The following BEND5 variants were observed in gnomAD, a reference collection of about 807,000 sequenced individuals.
BEND5 encodes the protein BEN domain-containing protein 5.
A neutral mutation model predicts 43.9 loss-of-function variants in BEND5; 22 were observed. That is an observed-to-expected ratio of 0.50 (90% CI 0.36 to 0.72). The LOEUF (loss-of-function observed/expected upper bound fraction) is 0.72, where lower values mean the gene tolerates loss of function less well. Ranked by LOEUF, BEND5 falls within the 30% of genes least tolerant of loss-of-function variation. The probability of loss-of-function intolerance (pLI) is 0.00; values close to 1 mark genes in which losing one functional copy is unlikely to be tolerated. For missense variants in BEND5, 428 were observed against 550.6 expected, an observed-to-expected ratio of 0.78 and a Z score of 2.23; for synonymous variants, 228 against 225.9, an observed-to-expected ratio of 1.01 and a Z score of -0.08.
chr1:48,761,242 T>C, intron 2 of BEND5, 95 bp downstream of exon 2: 1 of 1,299,638 alleles, frequency 7.7e-7, no homozygotes, highest in Non-Finnish European at 1.0e-6. Flanking sequence ...CAGGGGACAT[T>C]TACATGGGGA....
At chr1:48,735,629 CTT>C (rs752376613) in intron 5 of BEND5, among the ~76,000 whole-genome samples, 1 of 152,226 alleles carries the variant, frequency 6.6e-6, no homozygotes, top group Admixed American at 6.5e-5. Context: ...CTCCCTGTCT[CTT>C]TGCCTGCCCT....
At position 48,761,499 on chromosome 1, in the gene BEND5, C is replaced by G. The variant is rs1161177063; in HGVS notation, c.227-29G>C. The G allele has an allele frequency of 1.9e-6, 3 of 1,543,120 alleles. No individual in the cohort carries two copies. In the South Asian group the frequency reaches 3.6e-5, roughly 19 times the overall value. Reference sequence around the variant, plus strand: ...AAATGCATATCAAGAGAACAAGGTTCATCATGAGTTAAAATGAGTCATTAT... The same window carrying G: ...AAATGCATATCAAGAGAACAAGGTTGATCATGAGTTAAAATGAGTCATTAT... On this transcript the variant is annotated intron_variant, in intron 1 of 5. Coordinates refer to ENST00000371833, the MANE Select transcript of BEND5 (RefSeq NM_024603.4).
chr1:48,727,896 T>C lies in BEND5; in HGVS notation c.1256A>G (p.Asn419Ser). ...TGAAAAATCCAAAGTTTATTGCAAA[T>C]TGTATTTTGCTTCCCTTCGTTCTTC... ...KNEERREAKY[N>S]LQ The change falls in exon 6 of 6, where the codon AAT becomes AGT. Residue 419 changes from asparagine (N) to serine (S), a missense_variant. Physicochemically the swap from Asn to Ser is conservative, Grantham distance 46. Coordinates refer to ENST00000371833, the MANE Select transcript of BEND5 (RefSeq NM_024603.4). 1.9e-6 allele frequency: 3 copies of C among 1,602,364 alleles called. No homozygotes were observed. Among genetic ancestry groups the C allele is most frequent in the Non-Finnish European group, 1.7e-6 (2 of 1,172,790 alleles).
intron 5 of BEND5, among the ~76,000 whole-genome samples, chr1:48,734,704 T>C (rs917558882): frequency 1.3e-5 from 2 of 152,216 alleles, no homozygotes; most frequent in South Asian, 4.1e-4. Flanking sequence ...CACATCCAGA[T>C]TGCAGCTCAA....
intron 3 of BEND5, among the ~76,000 whole-genome samples, chr1:48,750,412 G>A (rs191493103): frequency 3.8e-4 from 58 of 152,236 alleles, no homozygotes; most frequent in Admixed American, 2.7e-3. Context: ...CCTTTGTTTA[G>A]GCTCTCCTGT....
chr1:48,768,260 G>A (rs866081068), intron 1 of BEND5, among the ~76,000 whole-genome samples: 5 of 152,226 alleles, frequency 3.3e-5, no homozygotes, highest in Middle Eastern at 3.4e-3. Flanking sequence ...ATACTGTGAT[G>A]AATTCCCAAG....
chr1:48,766,988 A>G (rs968911180), intron 1 of BEND5, among the ~76,000 whole-genome samples: 9 of 152,212 alleles, frequency 5.9e-5, no homozygotes, highest in African/African-American at 2.2e-4. Flanking sequence ...TATAGTGCAA[A>G]TATCTGCTCT....
At chr1:48,735,048 C>T (rs1029236039) in intron 5 of BEND5, among the ~76,000 whole-genome samples, 6 of 152,072 alleles carry the variant, frequency 3.9e-5, no homozygotes, top group African/African-American at 7.2e-5. Flanking sequence ...TTTCCTTGTC[C>T]GTAAAATAGG....
intron 3 of BEND5, among the ~76,000 whole-genome samples, chr1:48,754,556 G>T (rs974833319): frequency 6.6e-6 from 1 of 152,074 alleles, no homozygotes; most frequent in African/African-American, 2.4e-5. Flanking sequence ...TACTTATTTG[G>T]GGGAGGAGGG....
At chr1:48,740,471 G>A (rs1305834872) in intron 4 of BEND5, among the ~76,000 whole-genome samples, 1 of 152,118 alleles carries the variant, frequency 6.6e-6, no homozygotes, top group African/African-American at 2.4e-5. Flanking sequence ...ATGAGTTTTT[G>A]AAATAAAACA....
intron 3 of BEND5, among the ~76,000 whole-genome samples, chr1:48,756,488 T>C (rs1348445992): frequency 6.6e-6 from 1 of 152,018 alleles, no homozygotes; most frequent in African/African-American, 2.4e-5. Context: ...CTAGGCTAGG[T>C]CCCTGGCATG....
intron 1 of BEND5, 71 bp downstream of exon 1, chr1:48,776,513 CTCCCCCCGGTCCCCTCCGCCCG>C (rs1395876114): frequency 1.1e-6 from 1 of 936,936 alleles, no homozygotes; most frequent in Non-Finnish European, 1.5e-6. Context: ...CAAGCAGTGG[CTCCCCCCGGTCCCCTCCGCCCG>C]GGCCCCCGGC....
chr1:48,769,570 C>CA (rs1553229980), intron 1 of BEND5, among the ~76,000 whole-genome samples: 6,173 of 142,158 alleles, frequency 0.043, 194 homozygotes, highest in East Asian at 0.12. Flanking sequence ...CACACACACA[C>CA]AAGTTAAATT....
At chr1:48,735,919 C>T (rs1648966815) in intron 5 of BEND5, among the ~76,000 whole-genome samples, 1 of 152,120 alleles carries the variant, frequency 6.6e-6, no homozygotes, top group South Asian at 2.1e-4. Flanking sequence ...GTTCAGTGAC[C>T]CCCGTCCCCA....
intron 3 of BEND5, among the ~76,000 whole-genome samples, chr1:48,758,526 A>C (rs989449348): frequency 6.6e-6 from 1 of 152,174 alleles, no homozygotes; most frequent in African/African-American, 2.4e-5. Context: ...AAACTAATAC[A>C]TGTTGTTAGG....
At chr1:48,771,924 T>C (rs1057478020) in intron 1 of BEND5, among the ~76,000 whole-genome samples, 3 of 152,230 alleles carry the variant, frequency 2.0e-5, no homozygotes, top group Non-Finnish European at 4.4e-5. Context: ...GTTGACTTCT[T>C]CCAGATGAAC....
chr1:48,733,444 AAAG>A (rs1455149775), intron 5 of BEND5, among the ~76,000 whole-genome samples: 1 of 152,204 alleles, frequency 6.6e-6, no homozygotes, highest in African/African-American at 2.4e-5. Context: ...TTCCTCTGTG[AAAG>A]AAGAGACAAG....
At chr1:48,776,398 G>C (rs1023941249) in intron 1 of BEND5, among the ~76,000 whole-genome samples, 81 of 152,344 alleles carry the variant, frequency 5.3e-4, no homozygotes, top group African/African-American at 1.9e-3. Flanking sequence ...GGGAAGCGGG[G>C]AAGACAAAGG....
chr1:48,750,241 G>A (rs547360611), intron 3 of BEND5, among the ~76,000 whole-genome samples: 1 of 152,194 alleles, frequency 6.6e-6, no homozygotes, highest in Non-Finnish European at 1.5e-5. Context: ...CAATGGGGAA[G>A]TGCCCCCATG....
Sources: gnomAD v4.1 joint callset for allele counts (sites outside exome capture counted in the v4.1 genomes callset) on GRCh38, gnomAD v4.1.1 for gene constraint, MANE v1.5 for transcripts, NCBI Gene and HGNC (gene_info 2026-07-23, HGNC 2026-07-21) for gene names.